NDUFA10: variants seen among roughly 807,000 people sequenced by gnomAD.
The protein encoded by NDUFA10 is NADH dehydrogenase [ubiquinone] 1 alpha subcomplex subunit 10, mitochondrial.
A neutral mutation model predicts 47.8 loss-of-function variants in NDUFA10; 40 were observed. The ratio of observed to expected loss-of-function variants is 0.84; its 90% CI spans 0.65 to 1.09. The LOEUF (loss-of-function observed/expected upper bound fraction) is 1.09, where lower values mean the gene tolerates loss of function less well. Ranked by LOEUF, NDUFA10 falls within the 50% of genes least tolerant of loss-of-function variation. The pLI, the probability that NDUFA10 is intolerant of heterozygous loss-of-function variation, is 0.00. For missense variants in NDUFA10, 413 were observed against 451.1 expected, an observed-to-expected ratio of 0.92 and a Z score of 0.76; for synonymous variants, 183 against 172.2, an observed-to-expected ratio of 1.06 and a Z score of -0.49.
intron 9 of NDUFA10, among the ~76,000 whole-genome samples, chr2:239,966,335 C>A (rs1434962187): frequency 6.6e-6 from 1 of 152,220 alleles, no homozygotes; most frequent in Non-Finnish European, 1.5e-5. Context: ...GGAGGATGAG[C>A]AGGGTGGGCT....
chr2:240,008,054 G>A (rs1337017743), intron 6 of NDUFA10, among the ~76,000 whole-genome samples: 2 of 152,190 alleles, frequency 1.3e-5, no homozygotes, highest in Admixed American at 1.3e-4. Context: ...CAACTCTGCT[G>A]ACCATCTTCA....
In NDUFA10 at chr2:240,019,058, G is replaced by C. The variant is rs1697494538; in HGVS notation, c.461-419C>G. The stretch of plus-strand genomic sequence containing the variant: ...GTGTTACTATCACAGCAGCCCCGAC[G>C]GACACTTGTGCAGCTCAGAGCACTA... On this transcript the variant is annotated intron_variant, in intron 3 of 9. Transcript: ENST00000252711. Among the ~76,000 whole-genome samples the C allele has an allele frequency of 2.6e-5, 4 of 151,976 alleles. 1 individual carries two copies. In the South Asian group the frequency reaches 8.3e-4, roughly 32 times the overall value.
At chr2:239,932,258 T>C (rs1694187633) in intron 4 of NDUFA10, among the ~76,000 whole-genome samples, 1 of 152,194 alleles carries the variant, frequency 6.6e-6, no homozygotes, top group South Asian at 2.1e-4. Context: ...GCACCAAGAA[T>C]CTATTAATTC....
intron 4 of NDUFA10, among the ~76,000 whole-genome samples, chr2:239,919,862 G>A (rs988146599): frequency 7.2e-5 from 11 of 152,320 alleles, no homozygotes; most frequent in Admixed American, 2.6e-4. Flanking sequence ...CGGCCCCTAC[G>A]GAAGGAGGGG....
intron 5 of NDUFA10, chr2:240,011,918 C>T (rs185882335): frequency 2.3e-5 from 13 of 573,152 alleles, no homozygotes; most frequent in Admixed American, 1.3e-4. Context: ...GCTCCCATAG[C>T]GTGACTTTCT....
chr2:239,913,798 T>G (rs532601827), intron 4 of NDUFA10, among the ~76,000 whole-genome samples: 1 of 152,346 alleles, frequency 6.6e-6, no homozygotes, highest in South Asian at 2.1e-4. Context: ...AGGCTGCATG[T>G]TCCAGCACCT....
downstream of NDUFA10, among the ~76,000 whole-genome samples, chr2:239,954,001 G>C (rs1047510097): frequency 7.2e-5 from 11 of 152,244 alleles, no homozygotes; most frequent in African/African-American, 2.7e-4. Flanking sequence ...GGTTCCCCCT[G>C]CCGGGACCGC....
intron 9 of NDUFA10, among the ~76,000 whole-genome samples, chr2:239,963,862 C>T (rs2106397698): frequency 6.6e-6 from 1 of 152,308 alleles, no homozygotes; most frequent in Non-Finnish European, 1.5e-5. Flanking sequence ...GTGAGGCACA[C>T]AGGCCACCGG....
Position 239,946,662 on chromosome 2 carries a change from C to A in NDUFA10, c.294+43412G>T, listed in dbSNP as rs572010161. 2.0e-5 allele frequency among the ~76,000 whole-genome samples: 3 copies of A among 152,338 alleles called. No homozygotes were observed. In the South Asian group the frequency reaches 6.2e-4, roughly 32 times the overall value. On this transcript the variant is annotated intron_variant, in intron 4 of 5. Transcript: ENST00000419408. ...AAGCTTTGAGTTCAACGGCTCCTGACGCTGGTGCAGGACCTCCCTGAAGGA... is the reference window on the plus strand; with the variant it reads ...AAGCTTTGAGTTCAACGGCTCCTGAAGCTGGTGCAGGACCTCCCTGAAGGA...
At chr2:240,024,524 C>A (rs1319983978) in intron 1 of NDUFA10, among the ~76,000 whole-genome samples, 1 of 152,158 alleles carries the variant, frequency 6.6e-6, no homozygotes, top group East Asian at 1.9e-4. Context: ...TCTGTACGAA[C>A]CTATAATGGT....
intron 4 of NDUFA10, among the ~76,000 whole-genome samples, chr2:239,919,301 C>T (rs559778041): frequency 1.3e-5 from 2 of 152,288 alleles, no homozygotes; most frequent in African/African-American, 4.8e-5. Context: ...GCCCCCTTTG[C>T]ACTGGGGCCT....
chr2:240,003,994 G>A (rs536419825), intron 8 of NDUFA10, among the ~76,000 whole-genome samples: 3 of 152,336 alleles, frequency 2.0e-5, no homozygotes, highest in South Asian at 4.1e-4. Flanking sequence ...ACAGCTGTGT[G>A]ACTAGGTACG....
chr2:240,019,270 C>G (rs1697507088), intron 3 of NDUFA10, among the ~76,000 whole-genome samples: 1 of 152,208 alleles, frequency 6.6e-6, no homozygotes, highest in Non-Finnish European at 1.5e-5. Flanking sequence ...ACAGGCTTCC[C>G]TCCCTGTGGC....
intron 4 of NDUFA10, among the ~76,000 whole-genome samples, chr2:239,927,686 A>G (rs1694086264): frequency 6.6e-6 from 1 of 152,182 alleles, no homozygotes; most frequent in Non-Finnish European, 1.5e-5. Context: ...ACAAAATCAC[A>G]GAGCTGCAGA....
chr2:240,004,559 T>C (rs1337637939), intron 8 of NDUFA10, among the ~76,000 whole-genome samples: 3 of 146,044 alleles, frequency 2.1e-5, no homozygotes, highest in African/African-American at 8.1e-5. Context: ...AGTCCTGCCC[T>C]CTTCCACCGC....
intron 9 of NDUFA10, among the ~76,000 whole-genome samples, chr2:239,974,130 T>C (rs1343386828): frequency 1.3e-5 from 2 of 152,160 alleles, no homozygotes; most frequent in African/African-American, 4.8e-5. Flanking sequence ...GGTTTCTCCA[T>C]GTTGGCCAGG....
chr2:239,965,802 C>T (rs999097498), intron 9 of NDUFA10, among the ~76,000 whole-genome samples: 12 of 152,204 alleles, frequency 7.9e-5, no homozygotes, highest in Non-Finnish European at 1.8e-4. Context: ...GAAGAAAGAG[C>T]GCCTAACAGA....
chr2:239,982,894 A>C (rs182454813), intron 9 of NDUFA10, among the ~76,000 whole-genome samples: 1 of 152,332 alleles, frequency 6.6e-6, no homozygotes, highest in African/African-American at 2.4e-5. Flanking sequence ...TGCTGCTAGC[A>C]CAAGCTGTCT....
Position 239,990,156 on chromosome 2 carries a change from T to C in NDUFA10, c.917A>G (p.Asn306Ser). The change falls in exon 9 of 10, where the codon AAT becomes AGT. Residue 306 changes from asparagine (N) to serine (S), a missense_variant. Transcript: ENST00000252711. Reference sequence around the variant, plus strand: ...GAGAAAGATAGGAATGCTTGTGTAATTCAGCACCTCAAACTTATCCTGAAC... The same window carrying C: ...GAGAAAGATAGGAATGCTTGTGTAACTCAGCACCTCAAACTTATCCTGAAC... ...LLVQDKFEVL[N>S]YTSIPIFLPE... is the part of the protein sequence containing the mutation. The C allele has an allele frequency of 6.2e-7, 1 of 1,613,868 alleles. No homozygotes were observed. Among genetic ancestry groups the C allele is most frequent in the Non-Finnish European group, 8.5e-7 (1 of 1,179,760 alleles).
Sources: allele counts gnomAD v4.1 joint callset (sites outside exome capture counted in the v4.1 genomes callset), GRCh38; gene constraint gnomAD v4.1.1; transcripts MANE v1.5; gene names NCBI Gene and HGNC (gene_info 2026-07-23, HGNC 2026-07-21).